ADAMTS16: variants seen among roughly 807,000 people sequenced by gnomAD.
ADAMTS16 encodes A disintegrin and metalloproteinase with thrombospondin motifs 16.
A neutral mutation model predicts 145.8 loss-of-function variants in ADAMTS16; 94 were observed. That is an observed-to-expected ratio of 0.64 (90% confidence interval 0.55 to 0.77). ADAMTS16 has a LOEUF of 0.77. ADAMTS16 is among the 30% of genes least tolerant of loss of function. The probability of loss-of-function intolerance (pLI) is 0.00; values close to 1 mark genes in which losing one functional copy is unlikely to be tolerated. For synonymous variants in ADAMTS16, 659 were observed against 604.3 expected (o/e 1.09, Z -1.33); for missense variants, 1,585 against 1,591.5 (o/e 1.00, Z 0.07).
chr5:5,225,278 C>T (rs1341041865), intron 11 of ADAMTS16, among the ~76,000 whole-genome samples: 2 of 152,084 alleles, frequency 1.3e-5, no homozygotes, highest in African/African-American at 4.8e-5. Flanking sequence ...CCTGCTCTTT[C>T]CAAAGAGGAC....
At chr5:5,235,411 A>G (rs1323335769) in intron 13 of ADAMTS16, among the ~76,000 whole-genome samples, 5 of 152,236 alleles carry the variant, frequency 3.3e-5, no homozygotes, top group Admixed American at 6.5e-5. Flanking sequence ...CACACCAGAT[A>G]GAAAGCGTGT....
chr5:5,186,569 T>G (rs1735505579), intron 5 of ADAMTS16, among the ~76,000 whole-genome samples: 1 of 152,202 alleles, frequency 6.6e-6, no homozygotes, highest in African/African-American at 2.4e-5. Flanking sequence ...GCTGAGCCAC[T>G]GTAGTGCAGT....
intron 3 of ADAMTS16, chr5:5,175,893 G>A (rs1405525794): frequency 6.6e-6 from 1 of 152,410 alleles, no homozygotes; most frequent in African/African-American, 2.4e-5. Flanking sequence ...GATGGGGAAG[G>A]GGTGGCTTTG....
At position 5,320,083 on chromosome 5, in the gene ADAMTS16, A is replaced by T; in HGVS notation, c.*945A>T. 8.4e-6 allele frequency: 2 copies of T among 238,922 alleles called. No individual in the cohort carries two copies. The highest frequency in any genetic ancestry group is 7.2e-6 in the Non-Finnish European group (1 of 139,184). 14.8% of individuals were successfully genotyped at this position (238,922 alleles called of 1,614,324 possible). On this transcript the variant is annotated 3_prime_UTR_variant, in exon 23 of 23. Transcript: ENST00000274181. This position sits in a 1 kb window ranked among gnomAD's most constrained non-coding sequence, Gnocchi z 5.1. ...TTGTTTTTGTGTGTTGTGAGATTTTAATCTTTTTTTTTTCGGTGAGTCTGG... is the reference window on the plus strand; with the variant it reads ...TTGTTTTTGTGTGTTGTGAGATTTTTATCTTTTTTTTTTCGGTGAGTCTGG...
chr5:5,278,297 G>A (rs966499850), intron 18 of ADAMTS16, among the ~76,000 whole-genome samples: 1 of 152,118 alleles, frequency 6.6e-6, no homozygotes, highest in African/African-American at 2.4e-5. Context: ...ATGATAGCCG[G>A]TTTCTATTTA....
At chr5:5,170,378 CTATT>C (rs923980320) in intron 3 of ADAMTS16, among the ~76,000 whole-genome samples, 7 of 151,542 alleles carry the variant, frequency 4.6e-5, no homozygotes, top group Non-Finnish European at 1.0e-4. Flanking sequence ...ATTTTTATTT[CTATT>C]TATTTATTTA....
intron 18 of ADAMTS16, among the ~76,000 whole-genome samples, chr5:5,288,705 G>C (rs1267926147): frequency 6.6e-6 from 1 of 152,134 alleles, no homozygotes; most frequent in African/African-American, 2.4e-5. Context: ...ATTTTTTCTA[G>C]GTCATTTTAG....
chr5:5,196,975 C>T (rs1735822920), intron 8 of ADAMTS16, among the ~76,000 whole-genome samples: 1 of 152,182 alleles, frequency 6.6e-6, no homozygotes, highest in South Asian at 2.1e-4. Context: ...CCCTCAGTTC[C>T]CCGCAACTGC....
intron 3 of ADAMTS16, among the ~76,000 whole-genome samples, chr5:5,174,402 G>A (rs1243246132): frequency 1.3e-5 from 2 of 151,674 alleles, no homozygotes; most frequent in African/African-American, 4.8e-5. Flanking sequence ...TGATCTTTGG[G>A]AGTTTGTTTA....
intron 10 of ADAMTS16, among the ~76,000 whole-genome samples, chr5:5,220,002 A>T (rs1182143524): frequency 6.6e-6 from 1 of 152,110 alleles, no homozygotes; most frequent in African/African-American, 2.4e-5. Context: ...GATTCTTGCT[A>T]ATGTTATTGT....
chr5:5,297,649 T>C (rs1739596579), intron 18 of ADAMTS16, among the ~76,000 whole-genome samples: 1 of 152,122 alleles, frequency 6.6e-6, no homozygotes, highest in Non-Finnish European at 1.5e-5. Flanking sequence ...GATGACAGGA[T>C]GGTGAGACAG....
chr5:5,261,007 C>G (rs574814148), intron 17 of ADAMTS16, among the ~76,000 whole-genome samples: 1 of 152,330 alleles, frequency 6.6e-6, no homozygotes, highest in African/African-American at 2.4e-5. Context: ...GGAGTGAGAA[C>G]AGGTGTTCCA....
chr5:5,181,560 A>T lies in ADAMTS16; in HGVS notation c.502-484A>T, dbSNP rs77561019. Among the ~76,000 whole-genome samples the T allele has an allele frequency of 2.1e-3, 313 of 152,256 alleles. 1 individual carries two copies. Among genetic ancestry groups the T allele is most frequent in the African/African-American group, 7.2e-3 (299 of 41,546 alleles). Reference sequence around the variant, plus strand: ...TCCTCTAGATTAATTTTGTTAAGTTACCCTTTTCTAGAAAGTGTTACATTT... The same window carrying T: ...TCCTCTAGATTAATTTTGTTAAGTTTCCCTTTTCTAGAAAGTGTTACATTT... On this transcript the variant is annotated intron_variant, in intron 3 of 22. Coordinates refer to ENST00000274181, the MANE Select transcript of ADAMTS16 (RefSeq NM_139056.4).
intron 3 of ADAMTS16, among the ~76,000 whole-genome samples, chr5:5,170,620 C>T (rs533323734): frequency 6.8e-4 from 104 of 152,226 alleles, no homozygotes; most frequent in African/African-American, 2.4e-3. Context: ...TCAGGTGATC[C>T]GCCCGCCTCA....
chr5:5,162,462 C>T (rs1436101121), intron 3 of ADAMTS16, among the ~76,000 whole-genome samples: 1 of 152,184 alleles, frequency 6.6e-6, no homozygotes, highest in African/African-American at 2.4e-5. Context: ...CTCCCAGGAA[C>T]ATTCCCATGA....
intron 2 of ADAMTS16, among the ~76,000 whole-genome samples, chr5:5,142,591 A>C (rs1734196065): frequency 6.6e-6 from 1 of 152,202 alleles, no homozygotes; most frequent in African/African-American, 2.4e-5. Flanking sequence ...GCTAGAAGAC[A>C]CTTGGTGACT....
At chr5:5,241,813 C>CGG (rs922278336) in intron 16 of ADAMTS16, among the ~76,000 whole-genome samples, 2 of 140,540 alleles carry the variant, frequency 1.4e-5, no homozygotes, top group African/African-American at 5.4e-5. Flanking sequence ...GTTTTACATG[C>CGG]GGGCATACAC....
chr5:5,242,616 G>A lies in ADAMTS16; in HGVS notation c.2662+425G>A, dbSNP rs145056952. On this transcript the variant is annotated intron_variant, in intron 17 of 22. Transcript: ENST00000274181. ...TCTTGTTCAAAACGTTTCCTGGAAA[G>A]AGCTTTGCCTGCAAGTCAGATAGTC... Among the ~76,000 whole-genome samples the A allele has an allele frequency of 2.0e-4, 30 of 152,272 alleles. No homozygotes were observed. The East Asian group carries it at 4.4e-3, about 22-fold the overall frequency.
chr5:5,179,881 C>T (rs369492338), intron 3 of ADAMTS16, among the ~76,000 whole-genome samples: 14 of 152,326 alleles, frequency 9.2e-5, no homozygotes, highest in South Asian at 4.1e-4. Flanking sequence ...AGTGGTAACA[C>T]TGCAGCCAAT....
Sources: allele counts gnomAD v4.1 joint callset (sites outside exome capture counted in the v4.1 genomes callset), GRCh38; gene constraint gnomAD v4.1.1; non-coding constraint Gnocchi (gnomAD v3.1); transcripts MANE v1.5; gene names NCBI Gene and HGNC (gene_info 2026-07-23, HGNC 2026-07-21).